PHF20: variants seen among roughly 807,000 people sequenced by gnomAD.
PHF20 encodes PHD finger protein 20, also known as glioma-expressed antigen 2.
In PHF20, 23 loss-of-function variants were observed where a neutral mutation model predicts 113.5. The ratio of observed to expected loss-of-function variants is 0.20; its 90% confidence interval spans 0.15 to 0.29. The LOEUF is 0.29. PHF20 is among the 10% of genes least tolerant of loss of function. PHF20 has a pLI of 1.00. For synonymous variants in PHF20, 434 were observed against 457.3 expected, an observed-to-expected ratio of 0.95 and a Z score of 0.65; for missense variants, 943 against 1,219.6, an observed-to-expected ratio of 0.77 and a Z score of 3.38.
At chr20:35,803,588 G>C (rs1489060876) in intron 2 of PHF20, among the ~76,000 whole-genome samples, 3 of 151,668 alleles carry the variant, frequency 2.0e-5, no homozygotes, top group Non-Finnish European at 4.4e-5. Flanking sequence ...GCCTCCCAAA[G>C]TGCTGGGATT....
chr20:35,913,130 T>C (rs2055338083), intron 10 of PHF20, 119 bp from the exon 11 acceptor site: 1 of 467,246 alleles, frequency 2.1e-6, no homozygotes, highest in Non-Finnish European at 4.2e-6. Context: ...ACTGGAGCAA[T>C]CTGCTCCAGA....
At chr20:35,910,139 C>G (rs1316033560) in intron 10 of PHF20, among the ~76,000 whole-genome samples, 1 of 152,134 alleles carries the variant, frequency 6.6e-6, no homozygotes, top group Non-Finnish European at 1.5e-5. Context: ...TTGAAAACAT[C>G]ATGCTAAATG....
chr20:35,947,767 G>C lies in PHF20; in HGVS notation c.*140G>C. 1 of 886,592 alleles carries C rather than the reference G, an allele frequency of 1.1e-6. No individual in the cohort carries two copies. The allele number at this position is 886,592 out of a possible 1,614,324, so 54.9% of individuals were successfully genotyped here. A position where few individuals can be genotyped will look rare whatever the true frequency, so the allele number is the denominator to read the frequency against. The stretch of plus-strand genomic sequence containing the variant: ...AGGGATCTGGGCCAGGAGTGTGGTG[G>C]ACATTGGACAAAGAGGCCATTTTGG... On this transcript the variant is annotated 3_prime_UTR_variant, in exon 18 of 18. Coordinates refer to ENST00000374012, the MANE Select transcript of PHF20 (RefSeq NM_016436.5).
At chr20:35,844,354 G>A (rs1432374840) in intron 3 of PHF20, among the ~76,000 whole-genome samples, 3 of 151,088 alleles carry the variant, frequency 2.0e-5, no homozygotes, top group African/African-American at 7.3e-5. Flanking sequence ...CGCCTGCCTC[G>A]GCCTCTCAAA....
At chr20:35,931,525 T>TA (rs1438112988) in intron 15 of PHF20, 81 bp downstream of exon 15, 16 of 1,072,784 alleles carry the variant, frequency 1.5e-5, no homozygotes, top group Non-Finnish European at 2.1e-5. Context: ...ATTGGAAAGC[T>TA]ACCAAAGCAA....
intron 9 of PHF20, among the ~76,000 whole-genome samples, chr20:35,888,577 T>C (rs2054782054): frequency 6.6e-6 from 1 of 152,066 alleles, no homozygotes. Context: ...ATCCCAAGAG[T>C]AATTGAGTTC....
intron 4 of PHF20, among the ~76,000 whole-genome samples, chr20:35,851,574 C>A (rs1287247359): frequency 2.0e-5 from 3 of 151,916 alleles, no homozygotes; most frequent in Non-Finnish European, 2.9e-5. Flanking sequence ...GTGCTTCCCC[C>A]CCAACCCCCA....
At chr20:35,860,335 G>T (rs368963857) in intron 5 of PHF20, among the ~76,000 whole-genome samples, 2 of 151,550 alleles carry the variant, frequency 1.3e-5, no homozygotes, top group South Asian at 2.1e-4. Flanking sequence ...CCACCTCCCG[G>T]GTTCAAGCAA....
rs61622083 is a variant in PHF20 at position 35,844,543 on chromosome 20, C to CCACACA, written c.255+1842_255+1847dup. Among the ~76,000 whole-genome samples the CCACACA allele has an allele frequency of 3.6e-3, 418 of 117,724 alleles. 2 individuals are homozygous for CCACACA. Among genetic ancestry groups the CCACACA allele is most frequent in the African/African-American group, 0.01 (323 of 30,950 alleles). The allele number at this position is 117,724 out of a possible 152,430, so 77.2% of individuals were successfully genotyped here. The stretch of plus-strand genomic sequence containing the variant: ...AATCTCCCATTTTTCTTCACCATCA[C>CCACACA]CACACACACACACACACACACACAC... On this transcript the variant is annotated intron_variant, in intron 3 of 17. Coordinates refer to ENST00000374012, the MANE Select transcript of PHF20 (RefSeq NM_016436.5).
At chr20:35,777,118 C>CT (rs1167856232) in intron 1 of PHF20, among the ~76,000 whole-genome samples, 2 of 152,182 alleles carry the variant, frequency 1.3e-5, no homozygotes, top group African/African-American at 4.8e-5. Flanking sequence ...TCAGAACTAC[C>CT]TGAAATCCTC....
chr20:35,846,725 A>G (rs1162112110), intron 3 of PHF20, among the ~76,000 whole-genome samples: 1 of 152,140 alleles, frequency 6.6e-6, no homozygotes, highest in East Asian at 1.9e-4. Flanking sequence ...GTGCCTGCCC[A>G]GACCTCTTGG....
intron 1 of PHF20, among the ~76,000 whole-genome samples, chr20:35,793,973 C>T (rs542206663): frequency 7.3e-4 from 85 of 115,664 alleles, no homozygotes; most frequent in African/African-American, 2.6e-3. Context: ...CTGGGCTGGG[C>T]GACAAGAGCG....
chr20:35,776,265 C>T (rs377635999), intron 1 of PHF20, among the ~76,000 whole-genome samples: 1 of 152,164 alleles, frequency 6.6e-6, no homozygotes. Context: ...CAGTGGGTCA[C>T]AGGTGTTGGA....
At chr20:35,819,213 G>A (rs1349602062) in intron 2 of PHF20, among the ~76,000 whole-genome samples, 1 of 152,156 alleles carries the variant, frequency 6.6e-6, no homozygotes, top group Non-Finnish European at 1.5e-5. Context: ...TTACAGGCGT[G>A]AACCACTGTG....
chr20:35,890,903 A>T (rs2054836586), intron 9 of PHF20, among the ~76,000 whole-genome samples: 1 of 152,126 alleles, frequency 6.6e-6, no homozygotes, highest in Non-Finnish European at 1.5e-5. Flanking sequence ...AAACAACAAT[A>T]AAACAAAACA....
At chr20:35,894,612 A>G (rs7261957) in intron 9 of PHF20, among the ~76,000 whole-genome samples, 8,889 of 152,274 alleles carry the variant, frequency 0.058, 413 homozygotes, top group African/African-American at 0.13. Context: ...GTCATAGTAG[A>G]TAATATTGAG....
At chr20:35,775,184 C>G (rs1459118520) in intron 1 of PHF20, 2 of 151,934 alleles carry the variant, frequency 1.3e-5, no homozygotes, top group African/African-American at 4.8e-5. Flanking sequence ...ACCCAGGGGT[C>G]TTGTTGAAAT....
At chr20:35,774,973 T>G (rs916866353) in intron 1 of PHF20, 2 of 152,254 alleles carry the variant, frequency 1.3e-5, no homozygotes, top group African/African-American at 4.8e-5. Flanking sequence ...TTAGATGATG[T>G]GGCCATTAGG....
At chr20:35,874,255 C>T (rs993252202) in intron 9 of PHF20, among the ~76,000 whole-genome samples, 8 of 152,214 alleles carry the variant, frequency 5.3e-5, no homozygotes, top group African/African-American at 1.7e-4. Context: ...TGATTATAGG[C>T]GTGAGCCACC....
Sources: gnomAD v4.1 joint callset for allele counts (sites outside exome capture counted in the v4.1 genomes callset) on GRCh38, gnomAD v4.1.1 for gene constraint, MANE v1.5 for transcripts, NCBI Gene and HGNC (gene_info 2026-07-23, HGNC 2026-07-21) for gene names.